Variants in IGLL5 observed in about 807,000 individuals in gnomAD.
IGLL5 encodes immunoglobulin lambda-like polypeptide 5.
In IGLL5, 30 loss-of-function variants were observed where a neutral mutation model predicts 20.9. The ratio of observed to expected loss-of-function variants is 1.44; its 90% CI spans 1.07 to 1.95. The LOEUF (loss-of-function observed/expected upper bound fraction) is 1.95. IGLL5 is among the 30% of genes most tolerant of loss of function. The probability of loss-of-function intolerance (pLI) is 0.00; values close to 1 mark genes in which losing one functional copy is unlikely to be tolerated. For synonymous variants in IGLL5, 203 were observed against 117.3 expected, an observed-to-expected ratio of 1.73 and a Z score of -4.72; for missense variants, 475 against 270.7, an observed-to-expected ratio of 1.75 and a Z score of -5.30.
At chr22:22,890,637 A>G (rs2067813381) in intron 1 of IGLL5, among the ~76,000 whole-genome samples, 2 of 150,012 alleles carry the variant, frequency 1.3e-5, no homozygotes, top group African/African-American at 4.9e-5. Context: ...TCCCCAGGAT[A>G]GATGCCTAAA....
At chr22:22,889,320 A>C (rs545022562) in intron 1 of IGLL5, among the ~76,000 whole-genome samples, 1 of 151,104 alleles carries the variant, frequency 6.6e-6, no homozygotes, top group African/African-American at 2.4e-5. Context: ...AGGGGAGCAG[A>C]CACGCTCGGG....
intron 2 of IGLL5, among the ~76,000 whole-genome samples, chr22:22,894,629 T>C (rs1601627675): frequency 1.3e-5 from 2 of 150,570 alleles, no homozygotes; most frequent in Admixed American, 6.6e-5. Flanking sequence ...TGCAGAGAAC[T>C]CCATGGCTAC....
At chr22:22,890,336 C>A (rs535849860) in intron 1 of IGLL5, among the ~76,000 whole-genome samples, 1 of 144,182 alleles carries the variant, frequency 6.9e-6, no homozygotes, top group African/African-American at 2.6e-5. Context: ...CACACACACA[C>A]ACACACACAG....
intron 1 of IGLL5, among the ~76,000 whole-genome samples, chr22:22,889,380 G>A (rs1022396651): frequency 2.6e-5 from 4 of 151,112 alleles, no homozygotes; most frequent in Admixed American, 2.0e-4. Context: ...AACAGGCGGC[G>A]AGTCAAAAAA....
chr22:22,891,791 C>T (rs1426065229), intron 1 of IGLL5, among the ~76,000 whole-genome samples: 4 of 151,054 alleles, frequency 2.6e-5, no homozygotes, highest in East Asian at 4.0e-4. Context: ...AATTTTATAT[C>T]GTAAATGATT....
rs1019984653 is a variant in IGLL5, at chr22:22,888,758, T to G, written c.206+499T>G. Among the ~76,000 whole-genome samples the G allele has an allele frequency of 8.6e-5, 13 of 151,244 alleles. 1 individual carries two copies. Among genetic ancestry groups the G allele is most frequent in the East Asian group, 8.2e-4 (4 of 4,898 alleles). The stretch of plus-strand genomic sequence containing the variant: ...GTTCACCAACTTGCACATAAATGCT[T>G]ACTGGGGCCAGGCTCAAGGACACAG... On this transcript the variant is annotated intron_variant, in intron 1 of 2. Coordinates refer to ENST00000526893, the MANE Select transcript of IGLL5 (RefSeq NM_001178126.2).
At chr22:22,893,888 C>CAG in intron 2 of IGLL5, 70 bp downstream of exon 2, 1 of 1,047,240 alleles carries the variant, frequency 9.5e-7, no homozygotes, top group Middle Eastern at 2.0e-4. Flanking sequence ...TTTTCTCTCT[C>CAG]TGGGGCTTCC....
intron 1 of IGLL5, among the ~76,000 whole-genome samples, chr22:22,890,029 G>A (rs1177159019): frequency 1.3e-5 from 2 of 150,824 alleles, no homozygotes; most frequent in Non-Finnish European, 1.5e-5. Flanking sequence ...CTGGTTTTGT[G>A]AAGTTGTTCA....
intron 1 of IGLL5, among the ~76,000 whole-genome samples, chr22:22,891,587 T>C (rs2067848472): frequency 6.6e-6 from 1 of 151,384 alleles, no homozygotes; most frequent in South Asian, 2.1e-4. Flanking sequence ...TATGTGGTAA[T>C]ATCACAGAAT....
At chr22:22,894,710 G>A (rs1435107645) in intron 2 of IGLL5, among the ~76,000 whole-genome samples, 1 of 151,348 alleles carries the variant, frequency 6.6e-6, no homozygotes, top group Non-Finnish European at 1.5e-5. Flanking sequence ...TAGTCTGTGG[G>A]AGCAGCCCCA....
chr22:22,890,100 T>C (rs577532085), intron 1 of IGLL5, among the ~76,000 whole-genome samples: 1 of 150,778 alleles, frequency 6.6e-6, no homozygotes, highest in African/African-American at 2.4e-5. Flanking sequence ...TCATGTGCAT[T>C]ACTCTTTTTG....
At position 22,893,936 on chromosome 22, in the gene IGLL5, C is replaced by G. The variant is rs906540697; in HGVS notation, c.325+118C>G. ...TCCCAGCCTTAAGCACTGACCCTTACCTTTCTCCATGGGGCCTGGAGGAGG... is the reference window on the plus strand; with the variant it reads ...TCCCAGCCTTAAGCACTGACCCTTAGCTTTCTCCATGGGGCCTGGAGGAGG... On this transcript the variant is annotated intron_variant, in intron 2 of 2. Coordinates refer to ENST00000526893, the MANE Select transcript of IGLL5 (RefSeq NM_001178126.2). The G allele has an allele frequency of 4.5e-5, 35 of 777,934 alleles. 1 individual carries two copies. Among genetic ancestry groups the G allele is most frequent in the African/African-American group, 8.5e-5 (5 of 58,834 alleles). The allele number at this position is 777,934 out of a possible 1,614,324, so 48.2% of individuals were successfully genotyped here.
Position 22,887,947 on chromosome 22 carries a change from A to C in IGLL5, c.-107A>C, listed in dbSNP as rs2067554406. Reference sequence around the variant, plus strand: ...TCCAGGGAGAGGACAGAGCCAATGGACTGGGGTGTACTGTAACAGCCCTGC... The same window carrying C: ...TCCAGGGAGAGGACAGAGCCAATGGCCTGGGGTGTACTGTAACAGCCCTGC... On this transcript the variant is annotated 5_prime_UTR_variant, in exon 1 of 3. Transcript: ENST00000526893. 1 of 870,696 alleles carries C rather than the reference A, an allele frequency of 1.1e-6. No individual in the cohort carries two copies. Among genetic ancestry groups the C allele is most frequent in the Admixed American group, 2.0e-5 (1 of 49,814 alleles). The allele number at this position is 870,696 out of a possible 1,614,324, so 53.9% of individuals were successfully genotyped here. A position where few individuals can be genotyped will look rare whatever the true frequency, so the allele number is the denominator to read the frequency against.
In IGLL5 at chr22:22,894,740, G is replaced by T; in HGVS notation, c.326-635G>T. Among the ~76,000 whole-genome samples the T allele has an allele frequency of 1.3e-5, 2 of 151,402 alleles. 1 individual carries two copies. The highest frequency in any genetic ancestry group is 1.3e-4 in the Admixed American group (2 of 15,154). Reference sequence around the variant, plus strand: ...GCCCCAGGAACAGCTGAGGTGAAGGGTTCTGTGGTCGGGCTTGTGGAGACA... The same window carrying T: ...GCCCCAGGAACAGCTGAGGTGAAGGTTTCTGTGGTCGGGCTTGTGGAGACA... On this transcript the variant is annotated intron_variant, in intron 2 of 2. Coordinates refer to ENST00000526893, the MANE Select transcript of IGLL5 (RefSeq NM_001178126.2).
chr22:22,894,465 A>T (rs148701149), intron 2 of IGLL5, among the ~76,000 whole-genome samples: 3 of 151,442 alleles, frequency 2.0e-5, no homozygotes, highest in African/African-American at 4.8e-5. Flanking sequence ...GACAGTCACC[A>T]GAAAGGAGAC....
intron 1 of IGLL5, among the ~76,000 whole-genome samples, chr22:22,889,693 T>A (rs539172998): frequency 6.6e-6 from 1 of 151,316 alleles, no homozygotes; most frequent in African/African-American, 2.4e-5. Flanking sequence ...GCTCAAAAGA[T>A]CCTCCAGCCT....
chr22:22,893,896 T>C (rs533039237), intron 2 of IGLL5, 78 bp downstream of exon 2: 12 of 985,836 alleles, frequency 1.2e-5, no homozygotes, highest in African/African-American at 8.0e-5. Flanking sequence ...CTCTGGGGCT[T>C]CCTCCCCTCT....
chr22:22,889,017 A>C (rs531490439), intron 1 of IGLL5, among the ~76,000 whole-genome samples: 2 of 151,398 alleles, frequency 1.3e-5, no homozygotes, highest in Admixed American at 6.6e-5. Context: ...GGGAGGCAAG[A>C]AGACCATAGG....
At chr22:22,888,650 A>G (rs1601602792) in intron 1 of IGLL5, among the ~76,000 whole-genome samples, 2 of 151,136 alleles carry the variant, frequency 1.3e-5, no homozygotes, top group East Asian at 2.0e-4. Context: ...CTCTCTGCCC[A>G]TGTGCCTCCT....
Sources: gnomAD v4.1 joint callset for allele counts (sites outside exome capture counted in the v4.1 genomes callset) on GRCh38, gnomAD v4.1.1 for gene constraint, MANE v1.5 for transcripts, NCBI Gene and HGNC (gene_info 2026-07-23, HGNC 2026-07-21) for gene names.